The following PRR5L variants were observed in gnomAD, a reference collection of about 807,000 sequenced individuals.
PRR5L encodes proline-rich protein 5-like.
In PRR5L, 21 loss-of-function variants were observed where a neutral mutation model predicts 36.4. The observed-to-expected ratio is 0.58, with a 90% confidence interval of 0.41 to 0.83. The LOEUF (loss-of-function observed/expected upper bound fraction) is 0.83, where lower values mean the gene tolerates loss of function less well. Ranked by LOEUF, PRR5L falls within the 40% of genes least tolerant of loss-of-function variation. The probability of loss-of-function intolerance (pLI) is 0.00; values close to 1 mark genes in which losing one functional copy is unlikely to be tolerated. For synonymous variants in PRR5L, 188 were observed against 197.0 expected, an observed-to-expected ratio of 0.95 and a Z score of 0.38; for missense variants, 381 against 473.3, an observed-to-expected ratio of 0.80 and a Z score of 1.81.
intron 1 of PRR5L, among the ~76,000 whole-genome samples, chr11:36,347,728 T>G (rs79419173): frequency 6.6e-6 from 1 of 151,686 alleles, no homozygotes; most frequent in Non-Finnish European, 1.5e-5. Flanking sequence ...CCACTTCTTG[T>G]CAAGCAGATG....
intron 1 of PRR5L, among the ~76,000 whole-genome samples, chr11:36,354,850 G>C (rs574136353): frequency 1.3e-5 from 2 of 152,176 alleles, no homozygotes; most frequent in African/African-American, 4.8e-5. Flanking sequence ...TTATTAGCCA[G>C]GGGCAAGGAA....
intron 4 of PRR5L, among the ~76,000 whole-genome samples, chr11:36,424,619 C>T (rs1038875567): frequency 2.0e-5 from 3 of 152,178 alleles, no homozygotes; most frequent in South Asian, 2.1e-4. Context: ...TTCTCTGAGG[C>T]TCTTGAAGAG....
At chr11:36,303,247 A>G (rs59622146) in intron 1 of PRR5L, among the ~76,000 whole-genome samples, 30,129 of 152,184 alleles carry the variant, frequency 0.2, 3,179 homozygotes, top group South Asian at 0.34. Context: ...ATAGAAAGTT[A>G]TTTTGGAGTG....
intron 4 of PRR5L, among the ~76,000 whole-genome samples, chr11:36,422,129 C>A (rs1858277017): frequency 6.6e-6 from 1 of 152,190 alleles, no homozygotes; most frequent in African/African-American, 2.4e-5. Flanking sequence ...GGTGGTTCAA[C>A]AGAGACTCAG....
At chr11:36,381,676 T>C (rs1857370374) in intron 1 of PRR5L, 1 of 152,134 alleles carries the variant, frequency 6.6e-6, no homozygotes, top group South Asian at 2.1e-4. Flanking sequence ...GCTGCCATCA[T>C]TTTGGAGAAC....
At chr11:36,323,233 A>C (rs1856629901) in intron 1 of PRR5L, 1 of 152,240 alleles carries the variant, frequency 6.6e-6, no homozygotes, top group African/African-American at 2.4e-5. Context: ...CAAAACAAAG[A>C]GATAAAGAGT....
chr11:36,383,632 G>A (rs73445118), intron 1 of PRR5L, among the ~76,000 whole-genome samples: 5,494 of 151,774 alleles, frequency 0.036, 350 homozygotes, highest in African/African-American at 0.13. Flanking sequence ...TCTCTGCTTC[G>A]GTCTGCTGTA....
At chr11:36,380,534 A>G (rs777553418) in intron 1 of PRR5L, 3 of 152,120 alleles carry the variant, frequency 2.0e-5, no homozygotes, top group South Asian at 2.1e-4. Flanking sequence ...TGGCCTTTGT[A>G]GATTAATCCT....
intron 1 of PRR5L, among the ~76,000 whole-genome samples, chr11:36,297,933 G>A (rs556237878): frequency 6.6e-6 from 1 of 152,374 alleles, no homozygotes; most frequent in African/African-American, 2.4e-5. Context: ...GGAGCTGGAA[G>A]TCCGTACTTG....
chr11:36,346,618 G>A (rs1338649097), intron 1 of PRR5L, among the ~76,000 whole-genome samples: 1 of 151,924 alleles, frequency 6.6e-6, no homozygotes, highest in African/African-American at 2.4e-5. Context: ...TTTTATTACA[G>A]CATTGTCCAT....
intron 7 of PRR5L, among the ~76,000 whole-genome samples, chr11:36,448,409 C>G (rs1418444353): frequency 6.6e-6 from 1 of 152,150 alleles, no homozygotes; most frequent in East Asian, 1.9e-4. Context: ...ACCTGACTTA[C>G]TCACTTTTCT....
At chr11:36,362,774 G>A (rs1257259336) in intron 1 of PRR5L, among the ~76,000 whole-genome samples, 1 of 152,052 alleles carries the variant, frequency 6.6e-6, no homozygotes, top group Non-Finnish European at 1.5e-5. Context: ...TAAATAATGT[G>A]CTGTCATTGA....
intron 1 of PRR5L, among the ~76,000 whole-genome samples, chr11:36,351,674 C>T (rs12795405): frequency 0.75 from 17,180 of 23,004 alleles, 7,525 homozygotes; most frequent in East Asian, 0.93. Flanking sequence ...TATTTATATA[C>T]TTATATATTT....
intron 3 of PRR5L, among the ~76,000 whole-genome samples, chr11:36,418,964 T>G (rs1272981962): frequency 6.6e-6 from 1 of 152,172 alleles, no homozygotes; most frequent in Admixed American, 6.5e-5. Flanking sequence ...TCATATAAAG[T>G]CAGGTGCCCT....
chr11:36,367,946 C>T (rs149394995), intron 1 of PRR5L, among the ~76,000 whole-genome samples: 6 of 151,274 alleles, frequency 4.0e-5, no homozygotes, highest in African/African-American at 1.2e-4. Flanking sequence ...TAGTATATCT[C>T]GGGGGAGCTG....
rs1035889338 is a variant in PRR5L, at chr11:36,464,416, G to A, written c.*1680G>A. The stretch of plus-strand genomic sequence containing the variant: ...ATTGATTAGAATTGTGCTCTTGATG[G>A]CTGGGAATTTAGAAATTTTATTTTA... On this transcript the variant is annotated 3_prime_UTR_variant, in exon 9 of 9. Transcript: ENST00000530639. The A allele has an allele frequency of 9.9e-5, 15 of 152,166 alleles. No homozygotes were observed. The highest frequency in any genetic ancestry group is 1.8e-4 in the Non-Finnish European group (12 of 68,028). 9.4% of individuals were successfully genotyped at this position (152,166 alleles called of 1,614,324 possible).
At chr11:36,393,366 T>C (rs1857598572) in intron 1 of PRR5L, among the ~76,000 whole-genome samples, 1 of 152,196 alleles carries the variant, frequency 6.6e-6, no homozygotes, top group Non-Finnish European at 1.5e-5. Context: ...ATATATAAGA[T>C]AGGGGTCTAG....
At chr11:36,340,693 G>A (rs987415423) in intron 1 of PRR5L, among the ~76,000 whole-genome samples, 18 of 152,178 alleles carry the variant, frequency 1.2e-4, no homozygotes, top group African/African-American at 4.3e-4. Flanking sequence ...TGCTCTAAAA[G>A]GAGAGAGAAG....
intron 1 of PRR5L, among the ~76,000 whole-genome samples, chr11:36,352,047 G>A (rs1856980981): frequency 6.6e-6 from 1 of 151,782 alleles, no homozygotes; most frequent in Non-Finnish European, 1.5e-5. Context: ...CACTAGCAGT[G>A]TAAAAAAATT....
Sources: allele counts gnomAD v4.1 joint callset (sites outside exome capture counted in the v4.1 genomes callset), GRCh38; gene constraint gnomAD v4.1.1; transcripts MANE v1.5; gene names NCBI Gene and HGNC (gene_info 2026-07-23, HGNC 2026-07-21).